Variants in FRMD3 observed in about 807,000 individuals in gnomAD.
FRMD3 encodes FERM domain containing 3.
In FRMD3, 33 loss-of-function variants were observed where a neutral mutation model predicts 70.2. The ratio of observed to expected loss-of-function variants is 0.47; its 90% CI spans 0.36 to 0.63. The LOEUF is 0.63. Ranked by LOEUF, FRMD3 falls within the 20% of genes least tolerant of loss-of-function variation. The pLI is 0.00. For synonymous variants in FRMD3, 279 were observed against 255.9 expected (o/e 1.09, Z -0.86); for missense variants, 632 against 711.4 (o/e 0.89, Z 1.27).
At chr9:83,340,203 G>GT (rs1416178387) in intron 5 of FRMD3, among the ~76,000 whole-genome samples, 13 of 152,106 alleles carry the variant, frequency 8.5e-5, no homozygotes, top group Non-Finnish European at 1.8e-4. Flanking sequence ...TCAATCACCT[G>GT]GAGTTTAGGC....
chr9:83,481,285 G>A (rs1429065393), intron 1 of FRMD3, among the ~76,000 whole-genome samples: 1 of 152,210 alleles, frequency 6.6e-6, no homozygotes, highest in Non-Finnish European at 1.5e-5. Context: ...TGATGCAAGT[G>A]TGTCGTGAAC....
chr9:83,368,715 A>G (rs1564040121), intron 3 of FRMD3, among the ~76,000 whole-genome samples: 1 of 152,174 alleles, frequency 6.6e-6, no homozygotes, highest in Non-Finnish European at 1.5e-5. Context: ...CATTTGAGGG[A>G]GTCAGATTGT....
chr9:83,311,694 T>G (rs1835363279), intron 8 of FRMD3, among the ~76,000 whole-genome samples, 193 bp downstream of exon 8: 1 of 152,022 alleles, frequency 6.6e-6, no homozygotes, highest in South Asian at 2.1e-4. Flanking sequence ...GCCTCCTAAG[T>G]TGACTCCTCA....
At chr9:83,448,962 A>G (rs1184813312) in intron 1 of FRMD3, among the ~76,000 whole-genome samples, 1 of 152,204 alleles carries the variant, frequency 6.6e-6, no homozygotes, top group Non-Finnish European at 1.5e-5. Flanking sequence ...TGATGTAGCA[A>G]AATGGGCCTT....
chr9:83,247,156 G>A lies in FRMD3; in HGVS notation c.*762C>T. 1 of 985,240 alleles carries A rather than the reference G, an allele frequency of 1.0e-6. No homozygotes were observed. The highest frequency in any genetic ancestry group is 1.2e-6 in the Non-Finnish European group (1 of 829,804). 61.0% of individuals were successfully genotyped at this position (985,240 alleles called of 1,614,324 possible). On this transcript the variant is annotated 3_prime_UTR_variant, in exon 14 of 14. Coordinates refer to ENST00000304195, the MANE Select transcript of FRMD3 (RefSeq NM_174938.6). ...ATGGACCACCCTGAGTCCACTTGATGCTCTCAGTTTCTACATCCTCCAGTT... is the reference window on the plus strand; with the variant it reads ...ATGGACCACCCTGAGTCCACTTGATACTCTCAGTTTCTACATCCTCCAGTT...
chr9:83,552,721 T>A, the FRMD3 span, among the ~76,000 whole-genome samples: 1 of 152,186 alleles, frequency 6.6e-6, no homozygotes, highest in Non-Finnish European at 1.5e-5. Context: ...CCTTTTGCCA[T>A]TATGTAATGC....
At chr9:83,494,351 T>C (rs1296781295) in intron 1 of FRMD3, among the ~76,000 whole-genome samples, 1 of 152,230 alleles carries the variant, frequency 6.6e-6, no homozygotes, top group Non-Finnish European at 1.5e-5. Context: ...TTTTTCCACA[T>C]GGATTTTTCT....
At chr9:83,267,888 T>G (rs1547628) in intron 13 of FRMD3, among the ~76,000 whole-genome samples, 136,079 of 152,238 alleles carry the variant, frequency 0.89, 61,385 homozygotes, top group East Asian at 1. Flanking sequence ...GTCATGGTAA[T>G]CTCAGCTCTT....
At chr9:83,522,435 C>T (rs1829592125) in intron 1 of FRMD3, among the ~76,000 whole-genome samples, 1 of 151,848 alleles carries the variant, frequency 6.6e-6, no homozygotes, top group African/African-American at 2.4e-5. Flanking sequence ...CTGTGCGAGG[C>T]ACAGGCACTG....
intron 1 of FRMD3, among the ~76,000 whole-genome samples, chr9:83,390,721 A>G (rs1232224001): frequency 6.6e-6 from 1 of 152,218 alleles, no homozygotes; most frequent in Non-Finnish European, 1.5e-5. Context: ...AGGATATCTG[A>G]TAAGATTAAT....
At chr9:83,292,451 C>A (rs561908378) in intron 12 of FRMD3, among the ~76,000 whole-genome samples, 14 of 152,160 alleles carry the variant, frequency 9.2e-5, no homozygotes, top group South Asian at 4.1e-4. Context: ...TGAGCCACTA[C>A]GCCCAGCCCC....
At chr9:83,438,080 T>G (rs1827188007) in intron 1 of FRMD3, among the ~76,000 whole-genome samples, 1 of 152,126 alleles carries the variant, frequency 6.6e-6, no homozygotes, top group Non-Finnish European at 1.5e-5. Flanking sequence ...AGTAAAAGGC[T>G]AAAAATTTCT....
Position 83,428,114 on chromosome 9 carries a change from C to T in FRMD3, c.148-38406G>A, listed in dbSNP as rs1376389119. Among the ~76,000 whole-genome samples the T allele has an allele frequency of 3.9e-5, 6 of 152,312 alleles. No individual in the cohort carries two copies. The East Asian group carries it at 1.2e-3, about 29-fold the overall frequency. On this transcript the variant is annotated intron_variant, in intron 1 of 13. Transcript: ENST00000304195. Reference sequence around the variant, plus strand: ...TTTATAGGCCGGGTGAGGTGGCTCACACCTGTAATCCCAGCACTTTGGGAG... The same window carrying T: ...TTTATAGGCCGGGTGAGGTGGCTCATACCTGTAATCCCAGCACTTTGGGAG...
chr9:83,494,854 TGTGTGCGCGCGC>T (rs1230316900), intron 1 of FRMD3, among the ~76,000 whole-genome samples: 4 of 147,800 alleles, frequency 2.7e-5, no homozygotes, highest in African/African-American at 4.9e-5. Flanking sequence ...TGTGTGTGTG[TGTGTGCGCGCGC>T]GCATGTGCGT....
chr9:83,584,062 G>A, the FRMD3 span, among the ~76,000 whole-genome samples: 2 of 152,148 alleles, frequency 1.3e-5, no homozygotes, highest in South Asian at 2.1e-4. Flanking sequence ...TTGGCCGGGC[G>A]TGGTGGCTCA....
chr9:83,244,186 G>GAGA (rs1183943385), downstream of FRMD3, among the ~76,000 whole-genome samples: 1 of 151,828 alleles, frequency 6.6e-6, no homozygotes. Flanking sequence ...TGAACAGATA[G>GAGA]AGAAGTTTAA....
the FRMD3 span, among the ~76,000 whole-genome samples, chr9:83,567,124 TC>T: frequency 6.6e-6 from 1 of 152,234 alleles, no homozygotes; most frequent in East Asian, 1.9e-4. Context: ...AGGCAGAGGT[TC>T]CCAAACCTCA....
At chr9:83,403,331 C>T (rs1016281962) in intron 1 of FRMD3, among the ~76,000 whole-genome samples, 2 of 152,186 alleles carry the variant, frequency 1.3e-5, no homozygotes, top group African/African-American at 4.8e-5. Context: ...CATCTTTCCT[C>T]TCTGGGAGAG....
At chr9:83,346,048 G>C (rs563899395) in intron 4 of FRMD3, among the ~76,000 whole-genome samples, 151 of 152,226 alleles carry the variant, frequency 9.9e-4, no homozygotes, top group Non-Finnish European at 1.9e-3. Context: ...CTGAGGTCAG[G>C]AGTTCCAGAA....
Sources: allele counts gnomAD v4.1 joint callset (sites outside exome capture counted in the v4.1 genomes callset), GRCh38; gene constraint gnomAD v4.1.1; transcripts MANE v1.5; gene names NCBI Gene and HGNC (gene_info 2026-07-23, HGNC 2026-07-21).